SNURF: variants seen among roughly 807,000 people sequenced by gnomAD.
SNURF encodes SNRPN upstream open reading frame.
SNURF carries 6 observed loss-of-function variants against 11.6 expected under a neutral mutation model. The observed-to-expected ratio is 0.52, with a 90% CI of 0.28 to 1.02. The LOEUF (loss-of-function observed/expected upper bound fraction) is 1.02, where lower values mean the gene tolerates loss of function less well. Among genes scored for constraint, SNURF ranks in the 50% least tolerant of loss-of-function variants. The pLI, the probability that SNURF is intolerant of heterozygous loss-of-function variation, is 0.09. For missense variants in SNURF, 84 were observed against 88.4 expected (o/e 0.95, Z 0.20); for synonymous variants, 29 against 31.6 (o/e 0.92, Z 0.27).
At chr15:24,960,381 C>A (rs2074572849) in intron 1 of SNURF, among the ~76,000 whole-genome samples, 2 of 151,982 alleles carry the variant, frequency 1.3e-5, no homozygotes, top group South Asian at 4.2e-4. Context: ...GCTCTGTCAC[C>A]CAGGCTGGTG....
chr15:24,963,156 G>C (rs1023880444), intron 2 of SNURF, among the ~76,000 whole-genome samples: 1 of 152,144 alleles, frequency 6.6e-6, no homozygotes, highest in East Asian at 1.9e-4. Context: ...TCTGTATTTT[G>C]ACAATATGTC....
At chr15:24,974,410 A>C (rs2076824378) in intron 3 of SNURF, 2 of 1,605,912 alleles carry the variant, frequency 1.2e-6, no homozygotes, top group Non-Finnish European at 1.7e-6. Context: ...CTTCAGAAGC[A>C]TCAAGTTTTA....
chr15:24,973,964 G>T (rs2076769959), intron 3 of SNURF, among the ~76,000 whole-genome samples: 1 of 152,168 alleles, frequency 6.6e-6, no homozygotes, highest in Admixed American at 6.5e-5. Context: ...TTGAGATGTT[G>T]ATACAGAGAT....
downstream of SNURF, chr15:24,978,001 G>A: frequency 7.5e-7 from 1 of 1,335,218 alleles, no homozygotes; most frequent in Non-Finnish European, 1.0e-6. Context: ...GAGAGCCTAA[G>A]AATTTGGGGA....
downstream of SNURF, chr15:24,978,137 T>A (rs1180709703): frequency 1.9e-6 from 3 of 1,572,322 alleles, no homozygotes; most frequent in Non-Finnish European, 1.7e-6. Context: ...TGGGCTAAAT[T>A]CTAACTTTTC....
At chr15:24,976,774 T>C in intron 5 of SNURF, 1 of 987,944 alleles carries the variant, frequency 1.0e-6, no homozygotes, top group Non-Finnish European at 1.6e-6. Context: ...TAATATGAGA[T>C]AGGTGTCATG....
chr15:24,975,617 A>G (rs2076969924), intron 4 of SNURF: 13 of 863,108 alleles, frequency 1.5e-5, no homozygotes, highest in East Asian at 2.4e-5. Context: ...TAGGGAAACT[A>G]TGGTAGAGCC....
chr15:24,963,527 A>G (rs2075166551), intron 2 of SNURF, among the ~76,000 whole-genome samples: 1 of 151,454 alleles, frequency 6.6e-6, no homozygotes, highest in Admixed American at 6.6e-5. Flanking sequence ...AGGCAGGAGA[A>G]TTGTTTGAGC....
chr15:24,974,300 T>TTC (rs1158599085), intron 3 of SNURF: 4 of 697,540 alleles, frequency 5.7e-6, no homozygotes, highest in Non-Finnish European at 1.0e-5. Flanking sequence ...TTAACATGCT[T>TTC]TCCTCTGCAG....
intron 1 of SNURF, among the ~76,000 whole-genome samples, chr15:24,955,789 G>A (rs1470091489): frequency 2.0e-5 from 3 of 151,256 alleles, no homozygotes; most frequent in Non-Finnish European, 4.4e-5. Flanking sequence ...CATTGGCAGC[G>A]GGTAGGCATG....
At chr15:24,974,717 A>T in intron 3 of SNURF, 1 of 607,372 alleles carries the variant, frequency 1.6e-6, no homozygotes, top group Non-Finnish European at 2.9e-6. Context: ...GGTTCAAGAG[A>T]TTCTCGTGCC....
intron 2 of SNURF, among the ~76,000 whole-genome samples, chr15:24,963,896 G>T (rs1440305657): frequency 6.6e-6 from 1 of 152,006 alleles, no homozygotes; most frequent in Non-Finnish European, 1.5e-5. Context: ...GCCAGGCGTG[G>T]TGTTGTCTAC....
chr15:24,975,417 G>A, exon 4 of SNURF: 1 of 1,613,268 alleles, frequency 6.2e-7, no homozygotes, highest in Middle Eastern at 1.7e-4. Context: ...GATGTATCCT[G>A]CAAGATGGCC....
chr15:24,967,560 T>C (rs547664986), intron 2 of SNURF, among the ~76,000 whole-genome samples: 2 of 151,600 alleles, frequency 1.3e-5, no homozygotes, highest in South Asian at 4.2e-4. Flanking sequence ...GAGAATGGCG[T>C]GAACCCAGGA....
chr15:24,963,846 G>C (rs951965623), intron 2 of SNURF, among the ~76,000 whole-genome samples: 1 of 151,896 alleles, frequency 6.6e-6, no homozygotes, highest in Non-Finnish European at 1.5e-5. Flanking sequence ...ACCAGCCTGG[G>C]CAACATAGAG....
chr15:24,959,917 C>A (rs776736838), intron 1 of SNURF, among the ~76,000 whole-genome samples: 2 of 152,184 alleles, frequency 1.3e-5, no homozygotes, highest in Middle Eastern at 3.4e-3. Flanking sequence ...GAAATTTTGT[C>A]TTTTTGGAAG....
At position 24,968,406 on chromosome 15, in the gene SNURF, G is replaced by T. The variant is rs1596290436; in HGVS notation, c.*369G>T. Reference sequence around the variant, plus strand: ...TGTTTATAATTTCCTTTTGTGGGAGGTGTCATTTTTTTCTGCCAGTAGTTT... The same window carrying T: ...TGTTTATAATTTCCTTTTGTGGGAGTTGTCATTTTTTTCTGCCAGTAGTTT... On this transcript the variant is annotated 3_prime_UTR_variant, in exon 3 of 3. Transcript: ENST00000577949. 2.2e-5 allele frequency: 4 copies of T among 183,184 alleles called. No individual in the cohort carries two copies. In the South Asian group the frequency reaches 3.1e-4, roughly 14 times the overall value. The allele number at this position is 183,184 out of a possible 1,614,324, so 11.3% of individuals were successfully genotyped here. A position where few individuals can be genotyped will look rare whatever the true frequency, so the allele number is the denominator to read the frequency against.
intron 1 of SNURF, among the ~76,000 whole-genome samples, chr15:24,960,823 T>A (rs1399645256): frequency 6.6e-6 from 1 of 152,178 alleles, no homozygotes; most frequent in Admixed American, 6.5e-5. Context: ...ACAAAAGCTG[T>A]AGATAGTTAA....
intron 2 of SNURF, among the ~76,000 whole-genome samples, chr15:24,966,835 T>C (rs1757734816): frequency 6.6e-6 from 1 of 152,138 alleles, no homozygotes; most frequent in Admixed American, 6.5e-5. Context: ...TTGTTGGTGA[T>C]CCCCCAGCTC....
Sources: allele counts gnomAD v4.1 joint callset (sites outside exome capture counted in the v4.1 genomes callset), GRCh38; gene constraint gnomAD v4.1.1; transcripts MANE v1.5; gene names NCBI Gene and HGNC (gene_info 2026-07-23, HGNC 2026-07-21).